CASK: variants seen among roughly 807,000 people sequenced by gnomAD.
CASK encodes peripheral plasma membrane protein CASK.
A neutral mutation model predicts 82.9 loss-of-function variants in CASK; 4 were observed. That is an observed-to-expected ratio of 0.05 (90% CI 0.02 to 0.11). The LOEUF is 0.11. Ranked by LOEUF, CASK falls within the 10% of genes least tolerant of loss-of-function variation. The pLI, the probability that CASK is intolerant of heterozygous loss-of-function variation, is 1.00. For synonymous variants in CASK, 259 were observed against 253.5 expected (o/e 1.02, Z -0.20); for missense variants, 358 against 720.9 (o/e 0.50, Z 5.76).
At chrX:41,673,008 C>A (rs1320582816) in intron 5 of CASK, among the ~76,000 whole-genome samples, 2 of 111,887 alleles carry the variant, frequency 1.8e-5, no homozygotes, top group Non-Finnish European at 1.9e-5. Context: ...AGCAAGTGAG[C>A]AAGCCTAGAA....
intron 21 of CASK, among the ~76,000 whole-genome samples, chrX:41,551,327 C>T (rs950226856): frequency 3.6e-5 from 4 of 111,681 alleles, no homozygotes; most frequent in African/African-American, 1.3e-4. Flanking sequence ...TTGCTTTGCT[C>T]AGTGACAAGG....
intron 1 of CASK, among the ~76,000 whole-genome samples, chrX:41,872,951 C>A (rs1317904220): frequency 9.0e-6 from 1 of 111,064 alleles, no homozygotes; most frequent in Non-Finnish European, 1.9e-5. Flanking sequence ...TGGGCTACTC[C>A]TTATTTCTTC....
chrX:41,653,637 C>T (rs1569371014), intron 8 of CASK, among the ~76,000 whole-genome samples: 1 of 111,810 alleles, frequency 8.9e-6, no homozygotes, highest in Admixed American at 9.5e-5. Flanking sequence ...GTGGTTACCA[C>T]GAAGGTAGTT....
At chrX:41,522,990 G>A (rs747073611) in intron 26 of CASK, 3 of 112,266 alleles carry the variant, frequency 2.7e-5, no homozygotes, top group African/African-American at 9.7e-5. Context: ...CCTCCTAGCT[G>A]GTACTTACAG....
intron 1 of CASK, among the ~76,000 whole-genome samples, chrX:41,918,727 C>T (rs968803093): frequency 4.4e-5 from 5 of 112,581 alleles, no homozygotes; most frequent in Admixed American, 1.9e-4. Context: ...GCTTCAATAC[C>T]TTCCAAAAAG....
In CASK at chrX:41,632,822, G is replaced by A. The variant is rs1207818420; in HGVS notation, c.915+3756C>T. On this transcript the variant is annotated intron_variant, in intron 9 of 26. Coordinates refer to ENST00000378163, the MANE Select transcript of CASK (RefSeq NM_001367721.1). The stretch of plus-strand genomic sequence containing the variant: ...AGCACTTTGGGAGGCCGAGGCGGGC[G>A]GATCACTTGAGGTCAGGAGTACAAA... 3.6e-5 allele frequency among the ~76,000 whole-genome samples: 4 copies of A among 110,171 alleles called. 1 individual carries two copies. The highest frequency in any genetic ancestry group is 5.7e-4 in the East Asian group (2 of 3,531).
chrX:41,661,598 T>C (rs772024670), intron 7 of CASK, among the ~76,000 whole-genome samples: 2 of 111,546 alleles, frequency 1.8e-5, no homozygotes, highest in African/African-American at 6.5e-5. Flanking sequence ...CTGACTAATG[T>C]GAGACTTTGT....
intron 14 of CASK, chrX:41,585,684 T>A (rs1291847485): frequency 2.0e-5 from 2 of 101,906 alleles, no homozygotes; most frequent in Non-Finnish European, 3.9e-5. Flanking sequence ...AGGCTGAGCT[T>A]GCAGTGAGCC....
intron 3 of CASK, among the ~76,000 whole-genome samples, chrX:41,759,688 G>A (rs2068965273): frequency 1.8e-5 from 2 of 111,362 alleles, no homozygotes; most frequent in African/African-American, 6.5e-5. Context: ...ACCTTTCTGG[G>A]TTGATCATGA....
At chrX:41,809,602 C>T (rs1182903061) in intron 2 of CASK, among the ~76,000 whole-genome samples, 1 of 111,662 alleles carries the variant, frequency 9.0e-6, no homozygotes, top group African/African-American at 3.3e-5. Context: ...TCACCATGAT[C>T]AAAGACCAAA....
At chrX:41,623,650 G>A (rs1029216982) in intron 10 of CASK, among the ~76,000 whole-genome samples, 3 of 111,220 alleles carry the variant, frequency 2.7e-5, no homozygotes, top group African/African-American at 9.8e-5. Flanking sequence ...GACCTCAAGT[G>A]ATCCACCCAC....
chrX:41,715,174 A>AT (rs2068039014), intron 5 of CASK, among the ~76,000 whole-genome samples: 2 of 112,552 alleles, frequency 1.8e-5, no homozygotes. Context: ...CCTGTGTTTG[A>AT]TTTTTTTACT....
chrX:41,737,834 G>A (rs981342788), intron 5 of CASK, among the ~76,000 whole-genome samples: 1 of 112,046 alleles, frequency 8.9e-6, no homozygotes, highest in African/African-American at 3.2e-5. Context: ...ATATAGTTTA[G>A]AATATATACA....
At chrX:41,613,265 CTT>C (rs1283705552) in intron 11 of CASK, among the ~76,000 whole-genome samples, 1 of 108,316 alleles carries the variant, frequency 9.2e-6, no homozygotes, top group Non-Finnish European at 1.9e-5. Flanking sequence ...ACATGGGAGA[CTT>C]TTCATTTTGT....
At chrX:41,531,289 C>T in intron 24 of CASK, 80 bp from the exon 25 acceptor site, 1 of 767,089 alleles carries the variant, frequency 1.3e-6, no homozygotes, top group Non-Finnish European at 2.0e-6. Flanking sequence ...TACTCAAACC[C>T]AGTCTCTTCC....
At chrX:41,662,456 A>G (rs1347939013) in intron 7 of CASK, among the ~76,000 whole-genome samples, 1 of 111,664 alleles carries the variant, frequency 9.0e-6, no homozygotes, top group Non-Finnish European at 1.9e-5. Context: ...CATAGAGATC[A>G]AGAATTTTGT....
intron 5 of CASK, among the ~76,000 whole-genome samples, chrX:41,712,614 T>C (rs769078053): frequency 8.9e-6 from 1 of 112,796 alleles, no homozygotes; most frequent in East Asian, 2.8e-4. Context: ...ATTTAATTTA[T>C]AGTTTAAATA....
At chrX:41,614,537 T>G (rs2066161073) in intron 11 of CASK, among the ~76,000 whole-genome samples, 1 of 109,343 alleles carries the variant, frequency 9.1e-6, no homozygotes, top group East Asian at 2.8e-4. Context: ...TTTTTTTTTT[T>G]TTGAGATAGA....
intron 8 of CASK, among the ~76,000 whole-genome samples, chrX:41,646,821 C>A (rs1371948706): frequency 9.0e-6 from 1 of 111,440 alleles, no homozygotes; most frequent in Admixed American, 9.6e-5. Flanking sequence ...GTATTAACTC[C>A]CATTTTGACT....
Sources: gnomAD v4.1 joint callset for allele counts (sites outside exome capture counted in the v4.1 genomes callset) on GRCh38, gnomAD v4.1.1 for gene constraint, MANE v1.5 for transcripts, NCBI Gene and HGNC (gene_info 2026-07-23, HGNC 2026-07-21) for gene names.